The following PHF21B variants were observed in gnomAD, a reference collection of about 807,000 sequenced individuals.
The protein encoded by PHF21B is PHD finger protein 4.
A neutral mutation model predicts 62.2 loss-of-function variants in PHF21B; 22 were observed. That is an observed-to-expected ratio of 0.35 (90% CI 0.25 to 0.51). PHF21B has a LOEUF of 0.51. Among genes scored for constraint, PHF21B ranks in the 20% least tolerant of loss-of-function variants. PHF21B has a pLI of 0.97. For missense variants in PHF21B, 701 were observed against 707.9 expected, an observed-to-expected ratio of 0.99 and a Z score of 0.11; for synonymous variants, 341 against 314.7, an observed-to-expected ratio of 1.08 and a Z score of -0.88.
intron 2 of PHF21B, among the ~76,000 whole-genome samples, chr22:44,941,130 T>C (rs1046028391): frequency 6.6e-6 from 1 of 152,138 alleles, no homozygotes; most frequent in African/African-American, 2.4e-5. Context: ...GACCATTCCC[T>C]TAAACCTGAG....
intron 2 of PHF21B, among the ~76,000 whole-genome samples, chr22:44,924,069 A>T (rs1601603935): frequency 3.9e-5 from 1 of 25,684 alleles, no homozygotes; most frequent in Non-Finnish European, 9.4e-5. Flanking sequence ...GGAGGGAGGG[A>T]GGGGAGGGAA....
intron 2 of PHF21B, among the ~76,000 whole-genome samples, chr22:45,002,690 C>G (rs1339465825): frequency 6.6e-6 from 1 of 152,270 alleles, no homozygotes; most frequent in Non-Finnish European, 1.5e-5. Context: ...CTACACACAT[C>G]TTCCTGCCTC....
intron 2 of PHF21B, among the ~76,000 whole-genome samples, chr22:45,005,464 A>C (rs1240602015): frequency 1.3e-5 from 2 of 152,350 alleles, no homozygotes; most frequent in Non-Finnish European, 2.9e-5. Context: ...GTAGGACAAA[A>C]ACTAGACAGT....
Position 45,009,239 on chromosome 22 carries a change from T to C in PHF21B, c.54+257A>G, listed in dbSNP as rs1166769628. The C allele has an allele frequency of 2.0e-6, 1 of 494,256 alleles. No individual in the cohort carries two copies. The highest frequency in any genetic ancestry group is 3.8e-5 in the East Asian group (1 of 26,148). 30.6% of individuals were successfully genotyped at this position (494,256 alleles called of 1,614,324 possible). Reference sequence around the variant, plus strand: ...CCCTCCCAGTCATGCAGACCCTACATCGCTTAAGAGAAGACTCCAGGCTCG... The same window carrying C: ...CCCTCCCAGTCATGCAGACCCTACACCGCTTAAGAGAAGACTCCAGGCTCG... On this transcript the variant is annotated intron_variant, in intron 1 of 12. Coordinates refer to ENST00000313237, the MANE Select transcript of PHF21B (RefSeq NM_138415.5). This position sits in a 1 kb window ranked among gnomAD's most constrained non-coding sequence, Gnocchi z 5.9.
intron 2 of PHF21B, among the ~76,000 whole-genome samples, chr22:44,935,483 G>T (rs1303097849): frequency 1.3e-5 from 2 of 152,082 alleles, no homozygotes; most frequent in Non-Finnish European, 2.9e-5. Flanking sequence ...GCGTGGTGGC[G>T]GGCGCCTGTA....
intron 12 of PHF21B, among the ~76,000 whole-genome samples, chr22:44,885,040 C>T (rs537806119): frequency 6.6e-6 from 1 of 152,386 alleles, no homozygotes; most frequent in African/African-American, 2.4e-5. Flanking sequence ...AGCCAGGGTG[C>T]TGTCAATCGC....
intron 2 of PHF21B, among the ~76,000 whole-genome samples, chr22:44,960,142 T>G (rs1459526221): frequency 6.6e-6 from 1 of 152,156 alleles, no homozygotes; most frequent in African/African-American, 2.4e-5. Flanking sequence ...AACATCCGCC[T>G]GAAAAGACAA....
At position 44,887,998 on chromosome 22, in the gene PHF21B, TG is replaced by T; in HGVS notation, c.1161del (p.Lys388ArgfsTer14). 1.3e-6 allele frequency: 2 copies of T among 1,571,184 alleles called. No individual in the cohort carries two copies. The highest frequency in any genetic ancestry group is 1.7e-6 in the Non-Finnish European group (2 of 1,159,300). On this transcript the variant is annotated frameshift_variant, in exon 10 of 13. Transcript: ENST00000313237. LOFTEE classifies it high-confidence loss of function. ...SCLEPPLKTA[P>X]KGVWVCPRCQ... ...CACCTGGGGCACACCCACACGCCCT[TG>T]GGCGCCGTCTTGAGGGGCGGCTCCA...
chr22:44,984,576 G>T (rs981291197), intron 2 of PHF21B, among the ~76,000 whole-genome samples: 16 of 152,198 alleles, frequency 1.1e-4, no homozygotes, highest in African/African-American at 3.1e-4. Context: ...TGCAAAGCCT[G>T]GCAATGCCGT....
intron 2 of PHF21B, among the ~76,000 whole-genome samples, chr22:44,927,149 G>A (rs930791055): frequency 1.3e-5 from 2 of 152,056 alleles, no homozygotes; most frequent in African/African-American, 4.8e-5. Context: ...AGAGAGAGGT[G>A]AGGAGATGAC....
At chr22:44,950,355 T>C (rs1401786262) in intron 2 of PHF21B, among the ~76,000 whole-genome samples, 1 of 152,230 alleles carries the variant, frequency 6.6e-6, no homozygotes, top group Non-Finnish European at 1.5e-5. Flanking sequence ...CTAGTTATGG[T>C]GCTAGCCAAA....
chr22:44,933,638 GA>G, intron 2 of PHF21B: 1 of 624,000 alleles, frequency 1.6e-6, no homozygotes, highest in Non-Finnish European at 2.0e-6. Context: ...GGAGCCGTCT[GA>G]GGTTGGTCAC....
intron 5 of PHF21B, among the ~76,000 whole-genome samples, chr22:44,900,639 G>A (rs1418560505): frequency 6.6e-6 from 1 of 152,160 alleles, no homozygotes; most frequent in East Asian, 1.9e-4. Flanking sequence ...TAAACTTGAA[G>A]GACAGCTTGG....
chr22:44,916,309 G>C lies in PHF21B; in HGVS notation c.535C>G (p.Gln179Glu). Reference sequence around the variant, plus strand: ...TTGTCAGCACTGATGAGGAGGGGCTGGACTTTGATGCTGTCACTGACCACA... The same window carrying C: ...TTGTCAGCACTGATGAGGAGGGGCTCGACTTTGATGCTGTCACTGACCACA... Reference protein sequence around the residue: ...VSVVSDSIKVQPLLISADNKP... With the variant: ...VSVVSDSIKVEPLLISADNKP... Residue 179 changes from glutamine to glutamate, a missense_variant, in exon 4 of 13, where the codon CAG becomes GAG. Physicochemically the swap from Gln to Glu is conservative, Grantham distance 29 (BLOSUM62 2). Coordinates refer to ENST00000313237, the MANE Select transcript of PHF21B (RefSeq NM_138415.5). 1 of 1,602,190 alleles carries C rather than the reference G, an allele frequency of 6.2e-7. No homozygotes were observed. The highest frequency in any genetic ancestry group is 1.7e-4 in the Middle Eastern group (1 of 6,020).
chr22:44,995,346 G>A (rs1367798842), intron 2 of PHF21B, among the ~76,000 whole-genome samples: 1 of 152,128 alleles, frequency 6.6e-6, no homozygotes, highest in African/African-American at 2.4e-5. Context: ...CCCCATTCAA[G>A]TCCACTCAGC....
intron 2 of PHF21B, among the ~76,000 whole-genome samples, chr22:44,951,638 T>C (rs916400561): frequency 6.6e-6 from 1 of 152,374 alleles, no homozygotes; most frequent in African/African-American, 2.4e-5. Flanking sequence ...CATTGCTGCA[T>C]AGTATTCCCC....
intron 2 of PHF21B, among the ~76,000 whole-genome samples, chr22:44,922,733 A>C (rs1425555799): frequency 6.6e-6 from 1 of 152,262 alleles, no homozygotes; most frequent in Non-Finnish European, 1.5e-5. Context: ...GCATCAATAA[A>C]TAAAAATAAG....
intron 2 of PHF21B, chr22:45,001,747 C>T (rs1244743894): frequency 6.6e-6 from 1 of 152,264 alleles, no homozygotes; most frequent in Non-Finnish European, 1.5e-5. Context: ...GAGACCTCCA[C>T]AATACCACGT....
At chr22:44,964,353 G>A (rs565570701) in intron 2 of PHF21B, among the ~76,000 whole-genome samples, 2 of 152,084 alleles carry the variant, frequency 1.3e-5, no homozygotes, top group Non-Finnish European at 2.9e-5. Context: ...ATGGGACTTC[G>A]CGTGGTGCAC....
Sources: allele counts gnomAD v4.1 joint callset (sites outside exome capture counted in the v4.1 genomes callset), GRCh38; gene constraint gnomAD v4.1.1; non-coding constraint Gnocchi (gnomAD v3.1); transcripts MANE v1.5; gene names NCBI Gene and HGNC (gene_info 2026-07-23, HGNC 2026-07-21).